Variants in ATP8A1 observed in about 807,000 individuals in gnomAD.
The protein encoded by ATP8A1 is phospholipid-transporting ATPase IA.
Under a neutral mutation model 177.7 loss-of-function variants are expected in ATP8A1, and 90 were observed. That is an observed-to-expected ratio of 0.51 (90% CI 0.43 to 0.60). The LOEUF (loss-of-function observed/expected upper bound fraction) is 0.60. Ranked by LOEUF, ATP8A1 falls within the 20% of genes least tolerant of loss-of-function variation. ATP8A1 has a pLI of 0.00. For missense variants in ATP8A1, 1,072 were observed against 1,392.8 expected, an observed-to-expected ratio of 0.77 and a Z score of 3.67; for synonymous variants, 493 against 485.9, an observed-to-expected ratio of 1.01 and a Z score of -0.19.
chr4:42,644,435 C>A (rs1212232577), intron 1 of ATP8A1, among the ~76,000 whole-genome samples: 2 of 152,140 alleles, frequency 1.3e-5, no homozygotes, highest in African/African-American at 4.8e-5. Flanking sequence ...TCAGAACTTT[C>A]CAACCTCTAC....
chr4:42,471,480 C>A (rs184603230), intron 25 of ATP8A1, among the ~76,000 whole-genome samples: 1 of 152,202 alleles, frequency 6.6e-6, no homozygotes, highest in Admixed American at 6.5e-5. Context: ...TATAGGTAAA[C>A]GTACTGCCTT....
At chr4:42,444,656 T>C in intron 31 of ATP8A1, 22 bp from the exon 32 acceptor site, 1 of 1,607,380 alleles carries the variant, frequency 6.2e-7, no homozygotes, top group Non-Finnish European at 8.5e-7. Context: ...GGGGAAAATG[T>C]TATTTTACCT....
At chr4:42,610,552 T>C (rs896721584) in intron 5 of ATP8A1, among the ~76,000 whole-genome samples, 1 of 151,016 alleles carries the variant, frequency 6.6e-6, no homozygotes, top group Admixed American at 6.6e-5. Flanking sequence ...TCTTCCCAAA[T>C]TTCCTCAATG....
intron 33 of ATP8A1, among the ~76,000 whole-genome samples, chr4:42,431,881 C>T (rs1050391765): frequency 1.3e-5 from 2 of 152,202 alleles, no homozygotes; most frequent in African/African-American, 4.8e-5. Context: ...GCATCTTCTT[C>T]GTGAAATCAT....
chr4:42,558,613 T>A (rs184850172), intron 15 of ATP8A1, among the ~76,000 whole-genome samples: 1 of 152,220 alleles, frequency 6.6e-6, no homozygotes, highest in Non-Finnish European at 1.5e-5. Flanking sequence ...TATGACAGTA[T>A]GTACTAAGAC....
intron 24 of ATP8A1, among the ~76,000 whole-genome samples, chr4:42,498,694 T>TA (rs202018154): frequency 5.2e-4 from 76 of 146,592 alleles, no homozygotes; most frequent in African/African-American, 9.2e-4. Context: ...ATAATAATAC[T>TA]AAAAAAAAAA....
At chr4:42,482,114 C>A (rs1251273644) in intron 25 of ATP8A1, among the ~76,000 whole-genome samples, 1 of 152,024 alleles carries the variant, frequency 6.6e-6, no homozygotes, top group Admixed American at 6.6e-5. Context: ...TCAACCTGGG[C>A]AACGTGGCAA....
At chr4:42,501,978 A>G (rs1723898281) in intron 24 of ATP8A1, among the ~76,000 whole-genome samples, 1 of 152,094 alleles carries the variant, frequency 6.6e-6, no homozygotes, top group South Asian at 2.1e-4. Context: ...TGCTAAGGAG[A>G]CTTTTAGCCA....
At chr4:42,600,829 A>C (rs1465236433) in intron 5 of ATP8A1, among the ~76,000 whole-genome samples, 2 of 152,180 alleles carry the variant, frequency 1.3e-5, no homozygotes, top group Non-Finnish European at 2.9e-5. Context: ...GATGTGAAAA[A>C]GGAAGCGACA....
chr4:42,501,410 G>C (rs7692004), intron 24 of ATP8A1, among the ~76,000 whole-genome samples: 1 of 152,082 alleles, frequency 6.6e-6, no homozygotes, highest in Non-Finnish European at 1.5e-5. Context: ...ATTTGCTGAC[G>C]GTCCCACAGT....
At chr4:42,634,678 G>C (rs904867310) in intron 1 of ATP8A1, among the ~76,000 whole-genome samples, 3 of 152,182 alleles carry the variant, frequency 2.0e-5, no homozygotes, top group Non-Finnish European at 4.4e-5. Flanking sequence ...TCTTACAAGA[G>C]TTTGTGGGGA....
At chr4:42,487,458 T>C (rs575366299) in intron 24 of ATP8A1, among the ~76,000 whole-genome samples, 1 of 152,220 alleles carries the variant, frequency 6.6e-6, no homozygotes, top group East Asian at 1.9e-4. Flanking sequence ...ATATAATGAG[T>C]AATTCCCCTC....
chr4:42,441,555 G>T (rs764423347), intron 33 of ATP8A1, among the ~76,000 whole-genome samples: 2 of 152,118 alleles, frequency 1.3e-5, no homozygotes, highest in Non-Finnish European at 2.9e-5. Flanking sequence ...TAATGCCCAA[G>T]AAACAGTAAA....
chr4:42,495,577 T>A (rs1368432308), intron 24 of ATP8A1, among the ~76,000 whole-genome samples: 1 of 151,372 alleles, frequency 6.6e-6, no homozygotes, highest in Non-Finnish European at 1.5e-5. Flanking sequence ...TGACACATTA[T>A]AAAATCAAAA....
chr4:42,647,458 A>ACT (rs1281257899), intron 1 of ATP8A1, among the ~76,000 whole-genome samples: 1 of 152,108 alleles, frequency 6.6e-6, no homozygotes, highest in Non-Finnish European at 1.5e-5. Context: ...AAAAAATGTA[A>ACT]ACTACCACTC....
Position 42,446,600 on chromosome 4 carries a change from C to T in ATP8A1, c.2941G>A (p.Gly981Arg), listed in dbSNP as rs1210650408. The T allele has an allele frequency of 6.2e-7, 1 of 1,613,876 alleles. No homozygotes were observed. Among genetic ancestry groups the T allele is most frequent in the Non-Finnish European group, 8.5e-7 (1 of 1,179,930 alleles). ...GCACTCACAGTGTACACAAAGTTTC[C>T]CAGTAGCAGATAATCCGAGGTTTTC... is the stretch of plus-strand genomic sequence containing the variant. ...NGKTSDYLLL[G>R]NFVYTFVVIT... The change falls in exon 31 of 37, where the codon GGA (glycine) becomes AGA (arginine). Residue 981 changes from glycine (G) to arginine (R), a missense_variant. By Grantham distance (125) the Gly-to-Arg change is moderately radical. Transcript: ENST00000381668.
intron 9 of ATP8A1, among the ~76,000 whole-genome samples, chr4:42,582,314 A>G (rs1334103513): frequency 6.6e-6 from 1 of 152,210 alleles, no homozygotes; most frequent in Non-Finnish European, 1.5e-5. Flanking sequence ...AGCCTGAGCA[A>G]GCTAATACAT....
chr4:42,467,019 A>G (rs1719844642), intron 25 of ATP8A1, among the ~76,000 whole-genome samples: 1 of 152,254 alleles, frequency 6.6e-6, no homozygotes, highest in Non-Finnish European at 1.5e-5. Flanking sequence ...AAGTTACACC[A>G]AGGGTTCAAC....
chr4:42,423,557 A>G, intron 34 of ATP8A1, 60 bp downstream of exon 34: 2 of 1,211,116 alleles, frequency 1.7e-6, no homozygotes, highest in Non-Finnish European at 2.4e-6. Context: ...TTACCAAGAG[A>G]GAAATCTGAG....
Sources: allele counts gnomAD v4.1 joint callset (sites outside exome capture counted in the v4.1 genomes callset), GRCh38; gene constraint gnomAD v4.1.1; transcripts MANE v1.5; gene names NCBI Gene and HGNC (gene_info 2026-07-23, HGNC 2026-07-21).